The following PDE6C variants were observed in gnomAD, a reference collection of about 807,000 sequenced individuals.
PDE6C encodes the protein cone cGMP-specific 3',5'-cyclic phosphodiesterase subunit alpha'.
Under a neutral mutation model 113.1 loss-of-function variants are expected in PDE6C, and 75 were observed. The ratio of observed to expected loss-of-function variants is 0.66; its 90% CI spans 0.55 to 0.80. PDE6C has a LOEUF of 0.80. Ranked by LOEUF, PDE6C falls within the 30% of genes least tolerant of loss-of-function variation. The pLI is 0.00. For missense variants in PDE6C, 912 were observed against 1,038.6 expected (o/e 0.88, Z 1.67); for synonymous variants, 375 against 363.7 (o/e 1.03, Z -0.35).
intron 11 of PDE6C, among the ~76,000 whole-genome samples, chr10:93,637,700 T>C (rs2058540470): frequency 6.6e-6 from 1 of 152,248 alleles, no homozygotes; most frequent in South Asian, 2.1e-4. Flanking sequence ...ATTTGATCTA[T>C]TTTGACTATT....
At chr10:93,640,598 T>A (rs756506989) in intron 13 of PDE6C, 41 bp downstream of exon 13, 3 of 1,313,288 alleles carry the variant, frequency 2.3e-6, no homozygotes, top group Admixed American at 3.4e-5. Flanking sequence ...ACCTGCAGAT[T>A]TCCCATTTGA....
At chr10:93,639,188 C>T (rs993641945) in intron 11 of PDE6C, among the ~76,000 whole-genome samples, 3 of 152,190 alleles carry the variant, frequency 2.0e-5, no homozygotes, top group Non-Finnish European at 4.4e-5. Flanking sequence ...GCCAGCTCAG[C>T]TGCATGCATG....
chr10:93,660,695 C>T (rs949703469), intron 18 of PDE6C, among the ~76,000 whole-genome samples: 6 of 152,174 alleles, frequency 3.9e-5, no homozygotes, highest in African/African-American at 1.2e-4. Context: ...CCTTCCACCT[C>T]GACATGCCTG....
intron 7 of PDE6C, among the ~76,000 whole-genome samples, chr10:93,627,240 C>T (rs1236084969): frequency 1.7e-5 from 1 of 60,052 alleles, no homozygotes; most frequent in Non-Finnish European, 3.1e-5. Context: ...CCAGCCTGGG[C>T]AACAAAGTGA....
At chr10:93,660,857 A>G (rs2058662833) in intron 18 of PDE6C, among the ~76,000 whole-genome samples, 1 of 151,948 alleles carries the variant, frequency 6.6e-6, no homozygotes, top group South Asian at 2.1e-4. Context: ...GCAGCCTCCT[A>G]ATAGATGCTC....
chr10:93,636,134 C>G (rs2058527995), intron 10 of PDE6C, among the ~76,000 whole-genome samples: 1 of 152,132 alleles, frequency 6.6e-6, no homozygotes, highest in Non-Finnish European at 1.5e-5. Context: ...ATGTCCTTCT[C>G]ACAAAGATGA....
intron 16 of PDE6C, among the ~76,000 whole-genome samples, chr10:93,656,508 C>T (rs993760010): frequency 2.0e-5 from 3 of 152,044 alleles, no homozygotes; most frequent in Non-Finnish European, 4.4e-5. Flanking sequence ...TATTCAGTGG[C>T]TTGGGCATTG....
Position 93,613,028 on chromosome 10 carries a change from C to T in PDE6C, c.303C>T (p.Cys101=), listed in dbSNP as rs768209111. The change falls in exon 1 of 22, where the codon TGC becomes TGT. Residue 101 remains cysteine, a synonymous_variant. Coordinates refer to ENST00000371447, the MANE Select transcript of PDE6C (RefSeq NM_006204.4). ...CTGACCGCTGCAGCATGTTCCTGTG[C>T]CGGTCCCGGAACGGCATACCTGAGG... The part of the protein sequence containing the change: ...LQADRCSMFL[C]RSRNGIPEVA... The T allele has an allele frequency of 1.2e-6, 2 of 1,614,132 alleles. No homozygotes were observed. The highest frequency in any genetic ancestry group is 1.7e-5 in the Admixed American group (1 of 60,018).
intron 18 of PDE6C, 98 bp downstream of exon 18, chr10:93,659,265 T>C: frequency 1.2e-6 from 1 of 839,240 alleles, no homozygotes; most frequent in Non-Finnish European, 2.0e-6. Context: ...CTCAGAATTC[T>C]GAAAAATTAC....
In PDE6C at chr10:93,626,982, G is replaced by C; in HGVS notation, c.1071+111G>C. The stretch of plus-strand genomic sequence containing the variant: ...AATGCATCCAATAAAAGCTAGATGG[G>C]CCGGGCGCGGTGGCTCATGCCTGTA... On this transcript the variant is annotated intron_variant, in intron 7 of 21. Coordinates refer to ENST00000371447, the MANE Select transcript of PDE6C (RefSeq NM_006204.4). 6 of 990,726 alleles carry C rather than the reference G, an allele frequency of 6.1e-6. No homozygotes were observed. In the South Asian group the frequency reaches 8.2e-5, roughly 14 times the overall value. The allele number at this position is 990,726 out of a possible 1,614,324, so 61.4% of individuals were successfully genotyped here. A position where few individuals can be genotyped will look rare whatever the true frequency, so the allele number is the denominator to read the frequency against.
At chr10:93,643,671 C>T (rs185079888) in intron 14 of PDE6C, among the ~76,000 whole-genome samples, 43 of 151,312 alleles carry the variant, frequency 2.8e-4, no homozygotes, top group Non-Finnish European at 5.7e-4. Flanking sequence ...GATTACAGGC[C>T]TGAGCTACTG....
chr10:93,613,048 C>A lies in PDE6C; in HGVS notation c.323C>A (p.Pro108His), dbSNP rs779065446. The A allele has an allele frequency of 4.3e-6, 7 of 1,614,084 alleles. No individual in the cohort carries two copies. The highest frequency in any genetic ancestry group is 5.9e-6 in the Non-Finnish European group (7 of 1,180,056). Residue 108 changes from proline (P) to histidine (H), a missense_variant, in exon 1 of 22, where the codon CCT becomes CAT. Coordinates refer to ENST00000371447, the MANE Select transcript of PDE6C (RefSeq NM_006204.4). ...CTGTGCCGGTCCCGGAACGGCATACCTGAGGTGGCCTCTAGGTTGCTGGAT... is the reference window on the plus strand; with the variant it reads ...CTGTGCCGGTCCCGGAACGGCATACATGAGGTGGCCTCTAGGTTGCTGGAT... ...MFLCRSRNGI[P>H]EVASRLLDVT... is the part of the protein sequence containing the mutation.
intron 8 of PDE6C, among the ~76,000 whole-genome samples, chr10:93,629,640 G>A (rs969853614): frequency 1.3e-4 from 20 of 152,194 alleles, no homozygotes; most frequent in African/African-American, 4.8e-4. Context: ...TGGGGTGGGA[G>A]ATGGTTTTGG....
chr10:93,623,582 A>G (rs1180549534), intron 4 of PDE6C, among the ~76,000 whole-genome samples: 1 of 152,074 alleles, frequency 6.6e-6, no homozygotes, highest in Non-Finnish European at 1.5e-5. Context: ...TAGAATTTTT[A>G]TACTTTTGTG....
chr10:93,620,863 A>G (rs373996627), intron 2 of PDE6C, 28 bp from the exon 3 acceptor site: 98 of 1,612,872 alleles, frequency 6.1e-5, no homozygotes, highest in Non-Finnish European at 8.1e-5. Context: ...TGTCACAACC[A>G]TAACTTGTTA....
chr10:93,645,810 A>G (rs2058581328), intron 14 of PDE6C, 150 bp from the exon 15 acceptor site: 3 of 647,546 alleles, frequency 4.6e-6, no homozygotes, highest in Non-Finnish European at 8.4e-6. Context: ...TTCTAAATCT[A>G]GAAAATCTTT....
At chr10:93,636,366 CTTTGTGTGTG>C (rs2058530034) in intron 10 of PDE6C, among the ~76,000 whole-genome samples, 1 of 90,610 alleles carries the variant, frequency 1.1e-5, no homozygotes, top group Admixed American at 1.1e-4. Flanking sequence ...ATTTCCCTGG[CTTTGTGTGTG>C]TGTGTGTGTG....
chr10:93,616,637 T>C (rs1159651674), intron 1 of PDE6C, among the ~76,000 whole-genome samples: 3 of 151,276 alleles, frequency 2.0e-5, no homozygotes, highest in Non-Finnish European at 4.4e-5. Flanking sequence ...TTAAAACAAG[T>C]TGAAGGCAGG....
intron 4 of PDE6C, among the ~76,000 whole-genome samples, chr10:93,623,898 GTTC>G (rs1181483434): frequency 6.6e-6 from 1 of 152,186 alleles, no homozygotes; most frequent in South Asian, 2.1e-4. Context: ...TTTTGATTTT[GTTC>G]TTCTTGTCAG....
Sources: gnomAD v4.1 joint callset for allele counts (sites outside exome capture counted in the v4.1 genomes callset) on GRCh38, gnomAD v4.1.1 for gene constraint, MANE v1.5 for transcripts, NCBI Gene and HGNC (gene_info 2026-07-23, HGNC 2026-07-21) for gene names.